TRIO: variants seen among roughly 807,000 people sequenced by gnomAD.
The protein encoded by TRIO is triple functional domain protein.
A neutral mutation model predicts 351.9 loss-of-function variants in TRIO; 58 were observed. The ratio of observed to expected loss-of-function variants is 0.16; its 90% CI spans 0.13 to 0.21. TRIO has a LOEUF of 0.21. Among genes scored for constraint, TRIO ranks in the 10% least tolerant of loss-of-function variants. The pLI, the probability that TRIO is intolerant of heterozygous loss-of-function variation, is 1.00. For synonymous variants in TRIO, 1,758 were observed against 1,595.7 expected, an observed-to-expected ratio of 1.10 and a Z score of -2.42; for missense variants, 3,201 against 4,027.8, an observed-to-expected ratio of 0.79 and a Z score of 5.56.
chr5:14,336,333 G>A (rs1741413407), intron 10 of TRIO, among the ~76,000 whole-genome samples: 1 of 152,152 alleles, frequency 6.6e-6, no homozygotes, highest in Non-Finnish European at 1.5e-5. Context: ...GGGGTTCAAA[G>A]TTTAACAATC....
chr5:14,265,389 T>TA (rs34598618), intron 1 of TRIO, among the ~76,000 whole-genome samples: 133,090 of 152,170 alleles, frequency 0.87, 58,453 homozygotes, highest in East Asian at 0.98. Context: ...TATCTGCCAG[T>TA]GTCCTGGGAG....
In TRIO at chr5:14,222,062, C is replaced by T. The variant is rs77966289; in HGVS notation, c.158-48763C>T. 9.0e-3 allele frequency among the ~76,000 whole-genome samples: 1,368 copies of T among 152,180 alleles called. 9 individuals are homozygous for T. The highest frequency in any genetic ancestry group is 0.017 in the Middle Eastern group (5 of 294). On this transcript the variant is annotated intron_variant, in intron 1 of 56. Coordinates refer to ENST00000344204, the MANE Select transcript of TRIO (RefSeq NM_007118.4). ...ACCACCCTGAGCAGTCAGCAGCCATCCACATCGCGGCAAGACCCTCCACCA... is the reference window on the plus strand; with the variant it reads ...ACCACCCTGAGCAGTCAGCAGCCATTCACATCGCGGCAAGACCCTCCACCA...
In TRIO at chr5:14,380,197, G is replaced by A. The variant is rs976530143; in HGVS notation, c.3448-933G>A. Among the ~76,000 whole-genome samples, 15 of 152,308 alleles carry A rather than the reference G, an allele frequency of 9.8e-5. No individual in the cohort carries two copies. In the South Asian group the frequency reaches 2.9e-3, roughly 29 times the overall value. On this transcript the variant is annotated intron_variant, in intron 20 of 56. Coordinates refer to ENST00000344204, the MANE Select transcript of TRIO (RefSeq NM_007118.4). ...ACTGCACTCTCGGTTCCCTGTCTCC[G>A]TGTCCCTCTTGTCTTACGTGTTGTT...
At chr5:14,347,841 A>G (rs1742570536) in intron 11 of TRIO, among the ~76,000 whole-genome samples, 1 of 152,250 alleles carries the variant, frequency 6.6e-6, no homozygotes, top group Non-Finnish European at 1.5e-5. Flanking sequence ...CCTGTCAGAT[A>G]CGTCAGGTGC....
intron 41 of TRIO, chr5:14,477,406 G>T (rs1259190048): frequency 6.5e-6 from 1 of 152,710 alleles, no homozygotes; most frequent in Non-Finnish European, 1.5e-5. Flanking sequence ...AGGAGTTTTT[G>T]CATTTTTGCC....
chr5:14,144,270 C>T (rs1031207917), intron 1 of TRIO, among the ~76,000 whole-genome samples: 5 of 152,148 alleles, frequency 3.3e-5, no homozygotes, highest in African/African-American at 7.2e-5. Context: ...TGGGCGGAGG[C>T]TCTTACCCCG....
At chr5:14,468,604 TG>T (rs1754451649) in intron 37 of TRIO, among the ~76,000 whole-genome samples, 1 of 152,246 alleles carries the variant, frequency 6.6e-6, no homozygotes, top group Non-Finnish European at 1.5e-5. Context: ...TAACGTCACA[TG>T]GGAACTAGTT....
chr5:14,432,212 T>C (rs1019808465), intron 34 of TRIO, among the ~76,000 whole-genome samples: 6 of 152,104 alleles, frequency 3.9e-5, no homozygotes, highest in Non-Finnish European at 5.9e-5. Context: ...ATCATCCCCA[T>C]TTTAGGGTAG....
rs139558411 is a variant in TRIO at position 14,172,988 on chromosome 5, C to T, written c.157+29106C>T. Among the ~76,000 whole-genome samples, 740 of 152,178 alleles carry T rather than the reference C, an allele frequency of 4.9e-3. 5 individuals carry two copies. Among genetic ancestry groups the T allele is most frequent in the Non-Finnish European group, 8.0e-3 (541 of 67,988 alleles). On this transcript the variant is annotated intron_variant, in intron 1 of 56. Transcript: ENST00000344204. ...AGGGTATAGGGAGGAATGGGGTGGC[C>T]CACCCACCAGCCCCTCTGATGGCTT...
Position 14,293,007 on chromosome 5 carries a change from G to T in TRIO, c.1054-5G>T. Reference sequence around the variant, plus strand: ...GATTGCGGGTTGTCTTTTTCCTTCCGGTAGATGTTTGACTGGATCACACAC... The same window carrying T: ...GATTGCGGGTTGTCTTTTTCCTTCCTGTAGATGTTTGACTGGATCACACAC... On this transcript the variant is annotated splice_region_variant and splice_polypyrimidine_tract_variant and intron_variant, in intron 5 of 56. Transcript: ENST00000344204. 6.2e-7 allele frequency: 1 copy of T among 1,613,788 alleles called. No homozygotes were observed. The highest frequency in any genetic ancestry group is 8.5e-7 in the Non-Finnish European group (1 of 1,179,870).
At chr5:14,431,343 C>T (rs114352342) in intron 34 of TRIO, among the ~76,000 whole-genome samples, 1 of 152,344 alleles carries the variant, frequency 6.6e-6, no homozygotes, top group African/African-American at 2.4e-5. Context: ...GGGGCATCAT[C>T]TTCCCGAAAC....
At chr5:14,276,205 C>T (rs1269647613) in intron 2 of TRIO, among the ~76,000 whole-genome samples, 3 of 152,122 alleles carry the variant, frequency 2.0e-5, no homozygotes, top group Non-Finnish European at 4.4e-5. Context: ...TGCATTTCCC[C>T]GGAAGAGAAG....
At chr5:14,181,959 T>A (rs1789796531) in intron 1 of TRIO, among the ~76,000 whole-genome samples, 1 of 152,116 alleles carries the variant, frequency 6.6e-6, no homozygotes, top group South Asian at 2.1e-4. Context: ...GTCCTCTGTT[T>A]TTAATCTCCT....
At chr5:14,403,107 GGTTGTGAGGGTGCAGGTT>G (rs1748246695) in intron 31 of TRIO, among the ~76,000 whole-genome samples, 1 of 147,998 alleles carries the variant, frequency 6.8e-6, no homozygotes, top group Non-Finnish European at 1.5e-5. Context: ...TGAGGGCATA[GGTTGTGAGGGTGCAGGTT>G]GTGGTGAGGG....
intron 1 of TRIO, among the ~76,000 whole-genome samples, chr5:14,167,628 T>G (rs1788848486): frequency 6.6e-6 from 1 of 152,206 alleles, no homozygotes; most frequent in South Asian, 2.1e-4. Flanking sequence ...GGGGCCTGCC[T>G]TGGAAGAACT....
At chr5:14,267,594 A>G (rs563299645) in intron 1 of TRIO, among the ~76,000 whole-genome samples, 2 of 152,342 alleles carry the variant, frequency 1.3e-5, no homozygotes, top group South Asian at 4.1e-4. Context: ...ACGTTTTTAT[A>G]GTTCCACACT....
intron 37 of TRIO, among the ~76,000 whole-genome samples, chr5:14,470,472 G>C (rs1561528444): frequency 6.6e-6 from 1 of 152,148 alleles, no homozygotes. Flanking sequence ...TAAATCTTAT[G>C]TGTTCTGTGA....
At position 14,233,148 on chromosome 5, in the gene TRIO, G is replaced by T. The variant is rs1264001441; in HGVS notation, c.158-37677G>T. Among the ~76,000 whole-genome samples the T allele has an allele frequency of 2.6e-5, 4 of 152,064 alleles. No individual in the cohort carries two copies. The South Asian group carries it at 6.3e-4, about 24-fold the overall frequency. On this transcript the variant is annotated intron_variant, in intron 1 of 56. Transcript: ENST00000344204. ...TTGAGGTCAGATACCTAGTTCAGGGGATAAGACCATATCATCTTGAAATGA... is the reference window on the plus strand; with the variant it reads ...TTGAGGTCAGATACCTAGTTCAGGGTATAAGACCATATCATCTTGAAATGA...
In TRIO at chr5:14,497,044, G is replaced by A. The variant is rs201533465; in HGVS notation, c.8019+27G>A. ...TGTGTTCGGGGGTCTTCAGGAGTCC[G>A]TGTCATCCCAGCATGAGAGAAAGGA... On this transcript the variant is annotated intron_variant, in intron 50 of 56. Transcript: ENST00000344204. The surrounding 1 kb of genome is among the most constrained non-coding windows in gnomAD (Gnocchi z 4.4). The A allele has an allele frequency of 2.5e-5, 40 of 1,611,610 alleles. No homozygotes were observed. Among genetic ancestry groups the A allele is most frequent in the Admixed American group, 3.4e-5 (2 of 59,678 alleles).
Sources: gnomAD v4.1 joint callset for allele counts (sites outside exome capture counted in the v4.1 genomes callset) on GRCh38, gnomAD v4.1.1 for gene constraint, Gnocchi (gnomAD v3.1) non-coding constraint, MANE v1.5 for transcripts, NCBI Gene and HGNC (gene_info 2026-07-23, HGNC 2026-07-21) for gene names.